The following AWAT1 variants were observed in gnomAD, a reference collection of about 807,000 sequenced individuals.
The protein encoded by AWAT1 is diacyl-glycerol acyltransferase 2.
A neutral mutation model predicts 21.6 loss-of-function variants in AWAT1; 26 were observed. The observed-to-expected ratio is 1.20, with a 90% confidence interval of 0.88 to 1.67. The LOEUF (loss-of-function observed/expected upper bound fraction) is 1.67, where lower values mean the gene tolerates loss of function less well. AWAT1 is among the 40% of genes most tolerant of loss of function. The pLI is 0.00. For missense variants in AWAT1, 264 were observed against 249.4 expected (o/e 1.06, Z -0.39); for synonymous variants, 102 against 99.3 (o/e 1.03, Z -0.16).
intron 5 of AWAT1, among the ~76,000 whole-genome samples, chrX:70,239,114 TG>T (rs1234548262): frequency 1.8e-5 from 2 of 111,962 alleles, no homozygotes; most frequent in African/African-American, 6.5e-5. Context: ...AGCTCTGAGC[TG>T]GGAGTCCTGG....
At chrX:70,235,129 C>T (rs1192511942) in intron 1 of AWAT1, among the ~76,000 whole-genome samples, 1 of 111,065 alleles carries the variant, frequency 9.0e-6, no homozygotes, top group East Asian at 2.8e-4. Flanking sequence ...ACAGAGGAAA[C>T]ATTAGCATCC....
Position 70,235,792 on chromosome X carries a change from G to T in AWAT1, c.153G>T (p.Trp51Cys), listed in dbSNP as rs745999288. 8.3e-7 allele frequency: 1 copy of T among 1,209,425 alleles called. No homozygotes were observed. Residue 51 changes from tryptophan (W) to cysteine (C), a missense_variant, in exon 2 of 7, where the codon TGG (tryptophan) becomes TGT (cysteine). Trp to Cys is a radical substitution (Grantham distance 215). Transcript: ENST00000374521. ...CGCTACCAGTGCTTTACTTTGCCTG[G>T]TTGTTCCTGGACTGGAAGACCCCAG... is the stretch of plus-strand genomic sequence containing the variant. ...LWPLPVLYFA[W>C]LFLDWKTPER... is the part of the protein sequence containing the mutation.
intron 5 of AWAT1, among the ~76,000 whole-genome samples, chrX:70,239,478 T>C (rs931677773): frequency 3.6e-5 from 4 of 111,824 alleles, no homozygotes; most frequent in African/African-American, 1.3e-4. Context: ...CAACTTCTCT[T>C]GCTTCCCTGA....
intron 1 of AWAT1, among the ~76,000 whole-genome samples, chrX:70,235,246 T>C (rs1310197736): frequency 9.0e-6 from 1 of 110,533 alleles, no homozygotes; most frequent in Non-Finnish European, 1.9e-5. Context: ...GAATGGTGAA[T>C]GGGCAAGAGG....
chrX:70,237,841 A>AG (rs2085521112), intron 4 of AWAT1, among the ~76,000 whole-genome samples: 1 of 106,370 alleles, frequency 9.4e-6, no homozygotes, highest in Admixed American at 1.0e-4. Context: ...CAAAAAAAAA[A>AG]AAAAAAAAAA....
intron 1 of AWAT1, 68 bp from the exon 2 acceptor site, chrX:70,235,648 G>A: frequency 1.3e-6 from 1 of 771,524 alleles, no homozygotes; most frequent in Non-Finnish European, 2.0e-6. Context: ...TGGAGAGCTG[G>A]TGATGGGACT....
intron 5 of AWAT1, among the ~76,000 whole-genome samples, chrX:70,239,011 C>T (rs764865429): frequency 8.9e-6 from 1 of 112,576 alleles, no homozygotes; most frequent in Non-Finnish European, 1.9e-5. Context: ...GGACAATTGT[C>T]GTATTGCAGA....
intron 4 of AWAT1, among the ~76,000 whole-genome samples, chrX:70,237,911 CT>C (rs1330244335): frequency 1.0e-5 from 1 of 98,871 alleles, no homozygotes; most frequent in Non-Finnish European, 2.0e-5. Context: ...ATAGCTGTTG[CT>C]CTTAATGAAA....
chrX:70,236,741 C>T (rs145603933), intron 3 of AWAT1, among the ~76,000 whole-genome samples: 1,243 of 111,662 alleles, frequency 0.011, 10 homozygotes, highest in Non-Finnish European at 0.019. Flanking sequence ...TAGAGCCAAG[C>T]TTCCTGATCT....
chrX:70,239,657 G>A, intron 5 of AWAT1, 78 bp from the exon 6 acceptor site: 2 of 931,962 alleles, frequency 2.1e-6, no homozygotes, highest in Non-Finnish European at 1.6e-6. Flanking sequence ...ATGAGGGCCT[G>A]GCAAGCAAAC....
At chrX:70,240,050 G>A (rs2085531720) in intron 6 of AWAT1, 86 bp from the exon 7 acceptor site, 1 of 1,148,307 alleles carries the variant, frequency 8.7e-7, no homozygotes, top group Non-Finnish European at 1.2e-6. Flanking sequence ...TGGGATGCGA[G>A]AGTCAGGCCC....
chrX:70,240,104 TTCCTC>T, intron 6 of AWAT1, 27 bp from the exon 7 acceptor site: 1 of 1,202,387 alleles, frequency 8.3e-7, no homozygotes, highest in Non-Finnish European at 1.1e-6. Flanking sequence ...TCCTAACACT[TTCCTC>T]TTCTCTTTTC....
chrX:70,235,935 G>A (rs1331490317), intron 2 of AWAT1, 112 bp downstream of exon 2: 4 of 908,131 alleles, frequency 4.4e-6, no homozygotes, highest in African/African-American at 3.9e-5. Flanking sequence ...ACAGGAGCTC[G>A]GCCAAACAGG....
intron 3 of AWAT1, among the ~76,000 whole-genome samples, chrX:70,236,529 G>A (rs1157025770): frequency 1.8e-5 from 2 of 111,991 alleles, no homozygotes; most frequent in Non-Finnish European, 3.8e-5. Flanking sequence ...AGGTACAGAA[G>A]TAGTTCAGAT....
chrX:70,238,448 G>T, intron 5 of AWAT1, 65 bp downstream of exon 5: 16 of 1,042,697 alleles, frequency 1.5e-5, no homozygotes, highest in Non-Finnish European at 1.9e-5. Flanking sequence ...TGTCGGTGAG[G>T]CCAGGATGAA....
chrX:70,238,194 C>G lies in AWAT1; in HGVS notation c.461-18C>G. ...ATTTTCTCCTCTCCTGATCATTTTG[C>G]TCCTTGATTCTCTTTAGGTGTGTGC... On this transcript the variant is annotated intron_variant, in intron 4 of 6. Coordinates refer to ENST00000374521, the MANE Select transcript of AWAT1 (RefSeq NM_001013579.3). The G allele has an allele frequency of 8.4e-7, 1 of 1,186,893 alleles. No individual in the cohort carries two copies. Among genetic ancestry groups the G allele is most frequent in the Non-Finnish European group, 1.1e-6 (1 of 878,030 alleles).
rs774861511 is a variant in AWAT1, at chrX:70,235,817, G to A, written c.178G>A (p.Glu60Lys). 8.3e-7 allele frequency: 1 copy of A among 1,199,017 alleles called. No homozygotes were observed. Among genetic ancestry groups the A allele is most frequent in the East Asian group, 3.0e-5 (1 of 33,799 alleles). Residue 60 changes from glutamate to lysine, a missense_variant, in exon 2 of 7, where the codon GAG becomes AAG. Transcript: ENST00000374521. ...AWLFLDWKTP[E>K]RGGRRSAWVR... Reference sequence around the variant, plus strand: ...GTTGTTCCTGGACTGGAAGACCCCAGAGCGAGGTAAGACTCACAGACCTAG... The same window carrying A: ...GTTGTTCCTGGACTGGAAGACCCCAAAGCGAGGTAAGACTCACAGACCTAG...
At chrX:70,237,678 G>A (rs1275213603) in intron 4 of AWAT1, among the ~76,000 whole-genome samples, 1 of 107,169 alleles carries the variant, frequency 9.3e-6, no homozygotes, top group East Asian at 2.9e-4. Flanking sequence ...CTTAAAATAC[G>A]AAAATTAGCT....
At position 70,237,115 on chromosome X, in the gene AWAT1, C is replaced by T. The variant is rs753856706; in HGVS notation, c.327C>T (p.Thr109=). 6.6e-5 allele frequency: 79 copies of T among 1,205,169 alleles called. No homozygotes were observed. Among genetic ancestry groups the T allele is most frequent in the African/African-American group, 1.8e-5 (1 of 56,909 alleles). The part of the protein sequence containing the change: ...LMGVHPHGLL[T]FGAFCNFCTE... ...GGGTTCACCCCCATGGCCTCCTGAC[C>T]TTTGGCGCCTTCTGCAACTTCTGCA... is the stretch of plus-strand genomic sequence containing the variant. The change falls in exon 4 of 7, where the codon ACC becomes ACT. Residue 109 remains threonine (T), a synonymous_variant. Coordinates refer to ENST00000374521, the MANE Select transcript of AWAT1 (RefSeq NM_001013579.3).
Sources: gnomAD v4.1 joint callset for allele counts (sites outside exome capture counted in the v4.1 genomes callset) on GRCh38, gnomAD v4.1.1 for gene constraint, MANE v1.5 for transcripts, NCBI Gene and HGNC (gene_info 2026-07-23, HGNC 2026-07-21) for gene names.